Variants in TANC2 observed in about 807,000 individuals in gnomAD.
TANC2 encodes tetratricopeptide repeat, ankyrin repeat and coiled-coil containing 2.
TANC2 carries 26 observed loss-of-function variants against 210.5 expected under a neutral mutation model. The observed-to-expected ratio is 0.12, with a 90% CI of 0.09 to 0.17. TANC2 has a LOEUF of 0.17. Among genes scored for constraint, TANC2 ranks in the 10% least tolerant of loss-of-function variants. The pLI is 1.00. For missense variants in TANC2, 2,129 were observed against 2,608.9 expected, an observed-to-expected ratio of 0.82 and a Z score of 4.01; for synonymous variants, 931 against 967.1, an observed-to-expected ratio of 0.96 and a Z score of 0.69.
At chr17:63,341,684 C>T (rs1331152119) in intron 12 of TANC2, among the ~76,000 whole-genome samples, 2 of 152,236 alleles carry the variant, frequency 1.3e-5, no homozygotes, top group African/African-American at 4.8e-5. Flanking sequence ...ATTCATGGCA[C>T]ACCTGGAGGG....
At position 63,421,004 on chromosome 17, in the gene TANC2, G is replaced by A; in HGVS notation, c.5274G>A (p.Val1758=). The A allele has an allele frequency of 6.2e-7, 1 of 1,614,012 alleles. No homozygotes were observed. The highest frequency in any genetic ancestry group is 8.5e-7 in the Non-Finnish European group (1 of 1,179,886). ...GAATCGTAGGGGATGGAAGGCCGGT[G>A]CAGCATGTCCAAGCCAGCCTGAGTG... is the stretch of plus-strand genomic sequence containing the variant. Residue 1758 remains valine (V), a synonymous_variant, in exon 28 of 28, where the codon GTG becomes GTA. Coordinates refer to ENST00000689528, the Ensembl canonical transcript of TANC2. This position sits in a 1 kb window ranked among gnomAD's most constrained non-coding sequence, Gnocchi z 6.9.
intron 4 of TANC2, among the ~76,000 whole-genome samples, chr17:63,106,091 A>G (rs1166561948): frequency 6.6e-6 from 1 of 151,642 alleles, no homozygotes; most frequent in East Asian, 1.9e-4. Context: ...TCTCTGGTTT[A>G]TGAGATAAAG....
chr17:63,126,395 TG>T (rs1000823746), intron 4 of TANC2, among the ~76,000 whole-genome samples: 10 of 151,962 alleles, frequency 6.6e-5, no homozygotes, highest in Non-Finnish European at 1.3e-4. Context: ...GTTTTTTTAG[TG>T]GGGGGTTTAG....
Position 63,389,497 on chromosome 17 carries a change from G to T in TANC2, c.3004G>T (p.Ala1002Ser). ...GACTCCCCTGGGATATGCTGCAGCA[G>T]CAGGGTACCTGAGCATTGTGGTGCT... Residue 1002 changes from alanine (A) to serine (S), a missense_variant, in exon 17 of 28, where the codon GCA (alanine) becomes TCA (serine). This residue lies in a region of TANC2 where 644 missense variants were observed against 937.5 expected (regional missense o/e 0.69). Transcript: ENST00000689528. The T allele has an allele frequency of 1.2e-6, 2 of 1,613,080 alleles. No individual in the cohort carries two copies. The highest frequency in any genetic ancestry group is 8.5e-7 in the Non-Finnish European group (1 of 1,179,410).
At chr17:63,332,653 A>G (rs2045896207) in intron 11 of TANC2, 1 of 194,270 alleles carries the variant, frequency 5.1e-6, no homozygotes. Context: ...GAGCAATGAT[A>G]GATTCTTAAT....
chr17:63,239,321 C>T (rs1011448280), intron 8 of TANC2, among the ~76,000 whole-genome samples: 3 of 152,116 alleles, frequency 2.0e-5, no homozygotes, highest in African/African-American at 4.8e-5. Flanking sequence ...GTTGAATGTT[C>T]TGACTTTTCA....
intron 1 of TANC2, among the ~76,000 whole-genome samples, chr17:62,992,559 G>A (rs2032922321): frequency 6.6e-6 from 1 of 152,156 alleles, no homozygotes; most frequent in Non-Finnish European, 1.5e-5. Flanking sequence ...TCATTTCAGT[G>A]CCAAATAAAA....
At chr17:63,324,131 T>G (rs1249599875) in intron 11 of TANC2, among the ~76,000 whole-genome samples, 1 of 152,214 alleles carries the variant, frequency 6.6e-6, no homozygotes, top group African/African-American at 2.4e-5. Flanking sequence ...AAGGTTTTTA[T>G]GCAACTAGAA....
At chr17:63,013,305 G>A (rs924785597) in intron 2 of TANC2, among the ~76,000 whole-genome samples, 21 of 151,900 alleles carry the variant, frequency 1.4e-4, no homozygotes, top group Non-Finnish European at 2.4e-4. Flanking sequence ...ATTTTACAAC[G>A]TTATTTATTG....
chr17:63,422,065 G>T, exon 28 of TANC2: 2 of 1,359,036 alleles, frequency 1.5e-6, no homozygotes, highest in Middle Eastern at 2.5e-4. Flanking sequence ...TTTCTGTGTG[G>T]TGTTCAGAGG....
chr17:63,391,754 C>T (rs2047984742), intron 17 of TANC2: 1 of 149,402 alleles, frequency 6.7e-6, no homozygotes, highest in Non-Finnish European at 1.5e-5. Context: ...TAAACAGAGC[C>T]TGGCTCTGTT....
At chr17:63,175,055 G>C (rs1189991265) in intron 5 of TANC2, among the ~76,000 whole-genome samples, 1 of 152,122 alleles carries the variant, frequency 6.6e-6, no homozygotes, top group Non-Finnish European at 1.5e-5. Flanking sequence ...TCCCCAAATT[G>C]AGTGAACATA....
At chr17:63,001,712 C>CT (rs2033395231) in intron 1 of TANC2, among the ~76,000 whole-genome samples, 1 of 151,680 alleles carries the variant, frequency 6.6e-6, no homozygotes, top group Non-Finnish European at 1.5e-5. Flanking sequence ...GCCCGGCTAA[C>CT]TTTTTTGTAT....
At chr17:63,054,017 A>C (rs1021413077) in intron 2 of TANC2, among the ~76,000 whole-genome samples, 17 of 152,180 alleles carry the variant, frequency 1.1e-4, no homozygotes, top group Admixed American at 9.8e-4. Flanking sequence ...AGCAGTAGAG[A>C]GCCTTGAAAA....
chr17:63,411,169 C>T (rs763200563), intron 21 of TANC2, among the ~76,000 whole-genome samples: 1 of 151,672 alleles, frequency 6.6e-6, no homozygotes, highest in Non-Finnish European at 1.5e-5. Context: ...AGTGAGGATG[C>T]GGGAGGATTG....
At chr17:63,257,611 T>A (rs2043233507) in intron 8 of TANC2, among the ~76,000 whole-genome samples, 1 of 152,130 alleles carries the variant, frequency 6.6e-6, no homozygotes, top group Non-Finnish European at 1.5e-5. Flanking sequence ...CCACCTGCCC[T>A]GGCCTCCCAA....
intron 4 of TANC2, among the ~76,000 whole-genome samples, chr17:63,128,401 T>A (rs1380367656): frequency 6.6e-6 from 1 of 152,180 alleles, no homozygotes; most frequent in Non-Finnish European, 1.5e-5. Flanking sequence ...AAATAAATTT[T>A]CAGTGAATTT....
intron 7 of TANC2, among the ~76,000 whole-genome samples, chr17:63,205,344 CAAAAAAAA>C (rs1158768609): frequency 4.2e-3 from 34 of 8,068 alleles, no homozygotes; most frequent in South Asian, 0.041. Context: ...ACCAAGGAGG[CAAAAAAAA>C]AAAAAAAAAA....
At chr17:63,411,458 C>A (rs1395881187) in intron 21 of TANC2, 53 bp from the exon 22 acceptor site, 7 of 1,537,498 alleles carry the variant, frequency 4.6e-6, no homozygotes, top group Non-Finnish European at 6.2e-6. Context: ...ACTTCCCCTC[C>A]TGCTGTGTGA....
Sources: gnomAD v4.1 joint callset for allele counts (sites outside exome capture counted in the v4.1 genomes callset) on GRCh38, gnomAD v4.1.1 for gene constraint, gnomAD v4.1.1 regional missense constraint, Gnocchi (gnomAD v3.1) non-coding constraint, MANE v1.5 for transcripts, NCBI Gene and HGNC (gene_info 2026-07-23, HGNC 2026-07-21) for gene names.